The following CADPS variants were observed in gnomAD, a reference collection of about 807,000 sequenced individuals.
CADPS encodes calcium dependent secretion activator.
A neutral mutation model predicts 167.3 loss-of-function variants in CADPS; 57 were observed. The observed-to-expected ratio is 0.34, with a 90% CI of 0.28 to 0.42. The LOEUF is 0.42. CADPS is among the 20% of genes least tolerant of loss of function. The probability of loss-of-function intolerance (pLI) is 1.00; values close to 1 mark genes in which losing one functional copy is unlikely to be tolerated. For missense variants in CADPS, 1,414 were observed against 1,738.1 expected (o/e 0.81, Z 3.32); for synonymous variants, 676 against 635.3 (o/e 1.06, Z -0.96).
chr3:62,597,709 G>A (rs1238707031), intron 6 of CADPS, among the ~76,000 whole-genome samples: 4 of 152,158 alleles, frequency 2.6e-5, no homozygotes, highest in Non-Finnish European at 5.9e-5. Flanking sequence ...GGCCGCTGGA[G>A]GCTGCCCTGA....
At chr3:62,756,802 A>G (rs1674856163) in intron 2 of CADPS, among the ~76,000 whole-genome samples, 1 of 152,190 alleles carries the variant, frequency 6.6e-6, no homozygotes, top group African/African-American at 2.4e-5. Context: ...TGCCTGAAGA[A>G]ATAAGGAGGA....
At chr3:62,723,503 T>C (rs2076186422) in intron 3 of CADPS, among the ~76,000 whole-genome samples, 1 of 152,120 alleles carries the variant, frequency 6.6e-6, no homozygotes, top group African/African-American at 2.4e-5. Context: ...TACTATGCAT[T>C]TGATCTATCA....
chr3:62,461,952 T>C (rs1576376334), intron 26 of CADPS, among the ~76,000 whole-genome samples: 1 of 152,204 alleles, frequency 6.6e-6, no homozygotes, highest in African/African-American at 2.4e-5. Flanking sequence ...TAAATAGAAG[T>C]TGAGTAAATG....
chr3:62,466,304 C>G, intron 25 of CADPS, 35 bp downstream of exon 25: 2 of 1,416,966 alleles, frequency 1.4e-6, no homozygotes, highest in Non-Finnish European at 2.0e-6. Flanking sequence ...AAGCAGTGTT[C>G]ACAATGAAAC....
In CADPS at chr3:62,747,407, C is replaced by T. The variant is rs539795092; in HGVS notation, c.888+6034G>A. Among the ~76,000 whole-genome samples the T allele has an allele frequency of 2.0e-5, 3 of 152,292 alleles. No individual in the cohort carries two copies. In the East Asian group the frequency reaches 5.8e-4, roughly 29 times the overall value. Reference sequence around the variant, plus strand: ...TATGTAGTTATATGGAGATTAAGGGCTCTGTAATGAGGTATGGATACAACC... The same window carrying T: ...TATGTAGTTATATGGAGATTAAGGGTTCTGTAATGAGGTATGGATACAACC... On this transcript the variant is annotated intron_variant, in intron 3 of 29. Coordinates refer to ENST00000383710, the MANE Select transcript of CADPS (RefSeq NM_003716.4).
intron 1 of CADPS, among the ~76,000 whole-genome samples, chr3:62,792,649 G>A (rs1477831794): frequency 6.6e-6 from 1 of 152,114 alleles, no homozygotes; most frequent in Non-Finnish European, 1.5e-5. Flanking sequence ...AGGCTGGAGT[G>A]CAGTGGCAAA....
chr3:62,530,668 A>C (rs2073443343), intron 13 of CADPS: 4 of 1,287,626 alleles, frequency 3.1e-6, no homozygotes, highest in Non-Finnish European at 4.0e-6. Flanking sequence ...TCAGCTCTTG[A>C]TTTGCCTGGG....
intron 10 of CADPS, chr3:62,550,894 A>G (rs539473862): frequency 1.2e-4 from 54 of 456,650 alleles, no homozygotes; most frequent in African/African-American, 9.6e-4. Context: ...TTCTTTACTT[A>G]GCTTTCAGGA....
rs549458412 is a variant in CADPS, at chr3:62,479,717, A to G, written c.3174-1301T>C. Among the ~76,000 whole-genome samples, 21 of 152,366 alleles carry G rather than the reference A, an allele frequency of 1.4e-4. No individual in the cohort carries two copies. In the East Asian group the frequency reaches 4.1e-3, roughly 29 times the overall value. Reference sequence around the variant, plus strand: ...GGTAACATATAAACACGCCCTTAAAATGAAAGGTGGCAAAGGAAGAAACTG... The same window carrying G: ...GGTAACATATAAACACGCCCTTAAAGTGAAAGGTGGCAAAGGAAGAAACTG... On this transcript the variant is annotated intron_variant, in intron 22 of 29. Transcript: ENST00000383710.
chr3:62,685,885 C>A (rs1263460724), intron 3 of CADPS, among the ~76,000 whole-genome samples: 1 of 152,062 alleles, frequency 6.6e-6, no homozygotes, highest in African/African-American at 2.4e-5. Context: ...ATGCCTGGTA[C>A]CTGACTGTGG....
chr3:62,576,787 C>CTT (rs1553936617), intron 8 of CADPS, among the ~76,000 whole-genome samples: 15 of 44,860 alleles, frequency 3.3e-4, no homozygotes, highest in East Asian at 2.1e-3. Context: ...AAGACTCTGT[C>CTT]TAAAAAAAAA....
intron 8 of CADPS, among the ~76,000 whole-genome samples, chr3:62,584,868 C>T (rs1305753916): frequency 1.3e-5 from 2 of 152,126 alleles, no homozygotes; most frequent in African/African-American, 2.4e-5. Context: ...TGGATGCCTC[C>T]GACAAGGTAC....
chr3:62,606,240 A>G (rs1466250581), intron 6 of CADPS, among the ~76,000 whole-genome samples: 1 of 152,214 alleles, frequency 6.6e-6, no homozygotes, highest in East Asian at 1.9e-4. Flanking sequence ...CTTCAAAAAC[A>G]CATTGTAAAA....
At chr3:62,616,036 G>T (rs551103303) in intron 6 of CADPS, among the ~76,000 whole-genome samples, 2 of 151,698 alleles carry the variant, frequency 1.3e-5, no homozygotes, top group African/African-American at 2.4e-5. Context: ...TTTTTCCTTT[G>T]CCTACAAATG....
intron 1 of CADPS, among the ~76,000 whole-genome samples, chr3:62,860,907 G>T (rs573692212): frequency 2.1e-4 from 32 of 152,224 alleles, no homozygotes; most frequent in South Asian, 1.7e-3. Context: ...TTATTCTCTG[G>T]GTGCCTATGC....
intron 3 of CADPS, among the ~76,000 whole-genome samples, chr3:62,669,545 C>T (rs940866725): frequency 5.9e-5 from 9 of 152,204 alleles, no homozygotes; most frequent in African/African-American, 2.2e-4. Flanking sequence ...AAGCCTGTCT[C>T]TTGTGTGTCC....
chr3:62,562,577 G>A (rs887385059), intron 9 of CADPS, among the ~76,000 whole-genome samples: 20 of 152,114 alleles, frequency 1.3e-4, no homozygotes, highest in African/African-American at 4.6e-4. Flanking sequence ...TCAGGTGATC[G>A]TCCCAGCTCA....
chr3:62,455,392 A>C lies in CADPS; in HGVS notation c.3637-9595T>G, dbSNP rs1441855643. 6.6e-6 allele frequency among the ~76,000 whole-genome samples: 1 copy of C among 152,168 alleles called. No individual in the cohort carries two copies. Among genetic ancestry groups the C allele is most frequent in the South Asian group, 2.1e-4 (1 of 4,818 alleles). ...GGTGGGCGTGAAATTCTCATTGCTT[A>C]CAGATGAGGAAACTGAGGCTCAGAG... On this transcript the variant is annotated intron_variant, in intron 26 of 29. Coordinates refer to ENST00000383710, the MANE Select transcript of CADPS (RefSeq NM_003716.4). The surrounding 1 kb of genome is among the most constrained non-coding windows in gnomAD (Gnocchi z 4.4).
At chr3:62,466,487 A>C (rs1560761600) in intron 24 of CADPS, 74 bp from the exon 25 acceptor site, 1 of 928,006 alleles carries the variant, frequency 1.1e-6, no homozygotes, top group Non-Finnish European at 1.7e-6. Context: ...ATTTTTAGAC[A>C]ACTTAATTTA....
Sources: allele counts gnomAD v4.1 joint callset (sites outside exome capture counted in the v4.1 genomes callset), GRCh38; gene constraint gnomAD v4.1.1; non-coding constraint Gnocchi (gnomAD v3.1); transcripts MANE v1.5; gene names NCBI Gene and HGNC (gene_info 2026-07-23, HGNC 2026-07-21).